Variants in PPP2R2C observed in about 807,000 individuals in gnomAD.
PPP2R2C encodes protein phosphatase 2, regulatory subunit B, gamma.
PPP2R2C carries 10 observed loss-of-function variants against 45.3 expected under a neutral mutation model. The ratio of observed to expected loss-of-function variants is 0.22; its 90% CI spans 0.14 to 0.37. The LOEUF is 0.37. PPP2R2C is among the 10% of genes least tolerant of loss of function. The pLI is 1.00. For missense variants in PPP2R2C, 308 were observed against 619.7 expected (o/e 0.50, Z 5.34); for synonymous variants, 257 against 245.4 (o/e 1.05, Z -0.44).
chr4:6,533,746 C>G (rs1724484748), intron 2 of PPP2R2C, among the ~76,000 whole-genome samples: 1 of 152,048 alleles, frequency 6.6e-6, no homozygotes. Context: ...CTGAGCACAC[C>G]AGGAAACACT....
At chr4:6,388,143 C>T (rs547091098) in intron 1 of PPP2R2C, among the ~76,000 whole-genome samples, 1 of 152,206 alleles carries the variant, frequency 6.6e-6, no homozygotes. Flanking sequence ...TCCTTCCCCC[C>T]CTGAGGTGCC....
chr4:6,495,980 T>A (rs1006945890), intron 2 of PPP2R2C, among the ~76,000 whole-genome samples: 2 of 152,170 alleles, frequency 1.3e-5, no homozygotes, highest in Non-Finnish European at 2.9e-5. Context: ...CGGCTCTCCA[T>A]GGCGGCACTC....
At chr4:6,395,429 A>G (rs1716954300) in intron 1 of PPP2R2C, among the ~76,000 whole-genome samples, 1 of 152,176 alleles carries the variant, frequency 6.6e-6, no homozygotes, top group Non-Finnish European at 1.5e-5. Context: ...TTGGGTATGC[A>G]GCAAGGACCA....
intron 2 of PPP2R2C, among the ~76,000 whole-genome samples, chr4:6,527,874 A>C (rs777626831): frequency 6.6e-6 from 1 of 152,142 alleles, no homozygotes; most frequent in Non-Finnish European, 1.5e-5. Flanking sequence ...CTGGGGCCCC[A>C]GCAGGAGGAG....
intron 1 of PPP2R2C, 85 bp downstream of exon 1, chr4:6,472,075 G>A (rs1009847954): frequency 3.9e-6 from 6 of 1,549,120 alleles, no homozygotes; most frequent in Non-Finnish European, 4.4e-6. Context: ...CACATCGCGC[G>A]GTCCAAACCT....
At position 6,426,272 on chromosome 4, in the gene PPP2R2C, C is replaced by T. The variant is rs142943146; in HGVS notation, c.71-45178G>A. ...AGCTGGGCAGTGAGAGGGAGGCGGT[C>T]GGAGACGGCCTTGCAGTCCAGCTCC... On this transcript the variant is annotated intron_variant, in intron 1 of 8. Coordinates refer to ENST00000382599, the MANE Select transcript of PPP2R2C (RefSeq NM_020416.4). Among the ~76,000 whole-genome samples, 133 of 152,286 alleles carry T rather than the reference C, an allele frequency of 8.7e-4. 2 individuals are homozygous for T. The East Asian group carries it at 0.025, about 28-fold the overall frequency.
intron 1 of PPP2R2C, among the ~76,000 whole-genome samples, chr4:6,440,824 G>A (rs1253521945): frequency 1.3e-5 from 2 of 152,252 alleles, no homozygotes; most frequent in Non-Finnish European, 1.5e-5. Context: ...CAGACCCTGA[G>A]GCCAACATTT....
Position 6,424,449 on chromosome 4 carries a change from C to A in PPP2R2C, c.71-43355G>T, listed in dbSNP as rs372606291. ...CTTTGTGGTCCTCCATTCAAGCCAC[C>A]GGACACTGCTGAGCCATGTCGGGGC... is the stretch of plus-strand genomic sequence containing the variant. On this transcript the variant is annotated intron_variant, in intron 1 of 8. Transcript: ENST00000382599. 7.2e-5 allele frequency among the ~76,000 whole-genome samples: 11 copies of A among 152,202 alleles called. No homozygotes were observed. The East Asian group carries it at 1.3e-3, about 19-fold the overall frequency.
intron 2 of PPP2R2C, among the ~76,000 whole-genome samples, chr4:6,512,170 ATGGTGCTGATGGTGG>A (rs1723610202): frequency 4.6e-5 from 1 of 21,692 alleles, no homozygotes; most frequent in Non-Finnish European, 8.3e-5. Context: ...GATGGTGGTG[ATGGTGCTGATGGTGG>A]TGGTGGTGGT....
At chr4:6,431,909 T>C (rs1719644038) in intron 1 of PPP2R2C, among the ~76,000 whole-genome samples, 1 of 152,084 alleles carries the variant, frequency 6.6e-6, no homozygotes, top group African/African-American at 2.4e-5. Context: ...AAGTCCAAGA[T>C]CGAGGTGTAG....
intron 1 of PPP2R2C, among the ~76,000 whole-genome samples, chr4:6,400,554 C>T (rs1717348583): frequency 6.6e-6 from 1 of 152,216 alleles, no homozygotes; most frequent in Non-Finnish European, 1.5e-5. Context: ...AAAAGTTTGG[C>T]AACCATTGCC....
intron 2 of PPP2R2C, among the ~76,000 whole-genome samples, chr4:6,491,105 C>T (rs563171972): frequency 6.6e-6 from 1 of 152,304 alleles, no homozygotes; most frequent in East Asian, 1.9e-4. Context: ...CCATTTCCCC[C>T]ACTGTAATGT....
intron 1 of PPP2R2C, among the ~76,000 whole-genome samples, chr4:6,462,719 A>T (rs1427261246): frequency 6.6e-6 from 1 of 152,228 alleles, no homozygotes; most frequent in Non-Finnish European, 1.5e-5. Context: ...GTGAGGTGGG[A>T]TAACAGCACT....
intron 1 of PPP2R2C, chr4:6,414,040 T>C (rs997459710): frequency 5.8e-5 from 88 of 1,511,076 alleles, no homozygotes; most frequent in Non-Finnish European, 1.1e-5. Context: ...ATCTAGAGAA[T>C]TATGCATGGG....
At chr4:6,339,505 G>T (rs184643528) in intron 6 of PPP2R2C, among the ~76,000 whole-genome samples, 2,215 of 152,394 alleles carry the variant, frequency 0.015, 31 homozygotes, top group Admixed American at 0.025. Flanking sequence ...CGTGGCACTT[G>T]CTCTGTGGCC....
In PPP2R2C at chr4:6,332,025, C is replaced by T. The variant is rs1340362051; in HGVS notation, c.960+1537G>A. Among the ~76,000 whole-genome samples, 6 of 152,182 alleles carry T rather than the reference C, an allele frequency of 3.9e-5. No homozygotes were observed. The highest frequency in any genetic ancestry group is 9.7e-5 in the African/African-American group (4 of 41,450). On this transcript the variant is annotated intron_variant, in intron 7 of 8. Coordinates refer to ENST00000382599, the MANE Select transcript of PPP2R2C (RefSeq NM_020416.4). This position sits in a 1 kb window ranked among gnomAD's most constrained non-coding sequence, Gnocchi z 4.9. ...GCCAAGTGCCCAGCTTACGGCCTCA[C>T]GCTCCAGAACAGTCATTCCCCTCCT...
chr4:6,466,890 C>T (rs551534839), intron 1 of PPP2R2C, among the ~76,000 whole-genome samples: 1 of 152,290 alleles, frequency 6.6e-6, no homozygotes, highest in African/African-American at 2.4e-5. Context: ...AAGAAAGGAG[C>T]ACATTGCTTA....
rs1408127864 is a variant in PPP2R2C, at chr4:6,345,014, G to A, written c.790+2832C>T. On this transcript the variant is annotated intron_variant, in intron 6 of 8. Transcript: ENST00000382599. The surrounding 1 kb of genome is among the most constrained non-coding windows in gnomAD (Gnocchi z 5.3). Reference sequence around the variant, plus strand: ...CAAGGAGCAGATATATTACACCAACGGTTCCAGAAAAAGAAACAAAAAGCT... The same window carrying A: ...CAAGGAGCAGATATATTACACCAACAGTTCCAGAAAAAGAAACAAAAAGCT... Among the ~76,000 whole-genome samples, 3 of 152,058 alleles carry A rather than the reference G, an allele frequency of 2.0e-5. No individual in the cohort carries two copies. Among genetic ancestry groups the A allele is most frequent in the Admixed American group, 1.3e-4 (2 of 15,262 alleles).
chr4:6,558,423 C>T (rs1040290815), intron 1 of PPP2R2C, among the ~76,000 whole-genome samples: 1 of 152,120 alleles, frequency 6.6e-6, no homozygotes, highest in Non-Finnish European at 1.5e-5. Flanking sequence ...TACAAAGAGC[C>T]CTCTTCTCTC....
Sources: gnomAD v4.1 joint callset for allele counts (sites outside exome capture counted in the v4.1 genomes callset) on GRCh38, gnomAD v4.1.1 for gene constraint, Gnocchi (gnomAD v3.1) non-coding constraint, MANE v1.5 for transcripts, NCBI Gene and HGNC (gene_info 2026-07-23, HGNC 2026-07-21) for gene names.